Variants in NKTR observed in about 807,000 individuals in gnomAD.
NKTR encodes the protein natural killer cell triggering receptor.
In NKTR, 67 loss-of-function variants were observed where a neutral mutation model predicts 156.3. The observed-to-expected ratio is 0.43, with a 90% CI of 0.35 to 0.53. NKTR has a LOEUF of 0.53. NKTR is among the 20% of genes least tolerant of loss of function. The pLI, the probability that NKTR is intolerant of heterozygous loss-of-function variation, is 0.01. For synonymous variants in NKTR, 640 were observed against 596.6 expected (o/e 1.07, Z -1.06); for missense variants, 1,604 against 1,730.9 (o/e 0.93, Z 1.30).
intron 12 of NKTR, 118 bp from the exon 13 acceptor site, chr3:42,636,750 T>G: frequency 7.2e-7 from 1 of 1,389,042 alleles, no homozygotes; most frequent in Non-Finnish European, 9.4e-7. Context: ...GATTCACGCT[T>G]CCTGCGTGTG....
Position 42,601,051 on chromosome 3 carries a change from C to A in NKTR, c.45C>A (p.Ile15=). The change falls in exon 2 of 17, where the codon ATC becomes ATA. Residue 15 remains isoleucine, a synonymous_variant. Transcript: ENST00000232978. ...CGCAGTGCCACTTCGACATCGAGAT[C>A]AACCGGGAGCCGGGTGAGCTGGAAA... ...DRPQCHFDIE[I]NREPVGRIMF... is the part of the protein sequence containing the mutation. 1 of 1,579,720 alleles carries A rather than the reference C, an allele frequency of 6.3e-7. No homozygotes were observed. The highest frequency in any genetic ancestry group is 8.6e-7 in the Non-Finnish European group (1 of 1,165,990).
chr3:42,622,450 ATGAG>A (rs776892460), intron 6 of NKTR, among the ~76,000 whole-genome samples: 25 of 152,196 alleles, frequency 1.6e-4, no homozygotes, highest in African/African-American at 2.6e-4. Context: ...TTCTGAATGA[ATGAG>A]TATGAATGGC....
Position 42,637,568 on chromosome 3 carries a change from G to A in NKTR, c.1864G>A (p.Gly622Arg). Residue 622 changes from glycine to arginine, a missense_variant, in exon 13 of 17, where the codon GGA becomes AGA. Around this residue, in one of 6 missense-constraint regions of NKTR, gnomAD observed 1,255 missense variants for 1,243.7 expected, o/e 1.01. Transcript: ENST00000232978. The part of the protein sequence containing the change: ...DSPPPSRWKP[G>R]QKPWKPSYER... ...TCCCCCCCCTTCAAGATGGAAGCCT[G>A]GACAGAAACCTTGGAAGCCCTCTTA... 1 of 1,611,922 alleles carries A rather than the reference G, an allele frequency of 6.2e-7. No homozygotes were observed. Among genetic ancestry groups the A allele is most frequent in the Non-Finnish European group, 8.5e-7 (1 of 1,179,470 alleles).
intron 14 of NKTR, 76 bp downstream of exon 14, chr3:42,642,672 G>A (rs1709993106): frequency 9.9e-7 from 1 of 1,008,204 alleles, no homozygotes. Flanking sequence ...AGAGGGGGTA[G>A]TTGTTGAGAA....
At chr3:42,619,977 T>A in intron 5 of NKTR, 1 of 1,531,434 alleles carries the variant, frequency 6.5e-7, no homozygotes, top group African/African-American at 1.4e-5. Context: ...AACTCCTATC[T>A]TCCTGCCTAA....
chr3:42,614,753 G>T (rs1707181162), intron 2 of NKTR, among the ~76,000 whole-genome samples: 1 of 152,026 alleles, frequency 6.6e-6, no homozygotes, highest in Non-Finnish European at 1.5e-5. Flanking sequence ...ATATATACTA[G>T]CATTTTAACT....
intron 6 of NKTR, among the ~76,000 whole-genome samples, chr3:42,626,841 T>C (rs1221805606): frequency 6.6e-6 from 1 of 152,174 alleles, no homozygotes; most frequent in African/African-American, 2.4e-5. Flanking sequence ...TTTATATTTA[T>C]GTATGTATGC....
intron 5 of NKTR, 65 bp downstream of exon 5, chr3:42,619,773 C>T: frequency 1.3e-6 from 2 of 1,587,878 alleles, no homozygotes; most frequent in Non-Finnish European, 1.7e-6. Flanking sequence ...TGATCATATA[C>T]TTTTAATGAG....
chr3:42,611,617 T>A (rs1277742737), intron 2 of NKTR, among the ~76,000 whole-genome samples: 1 of 151,182 alleles, frequency 6.6e-6, no homozygotes, highest in Non-Finnish European at 1.5e-5. Context: ...TCTATAATCC[T>A]AGCTACTCGG....
At position 42,637,664 on chromosome 3, in the gene NKTR, A is replaced by C. The variant is rs756520773; in HGVS notation, c.1960A>C (p.Asn654His). The C allele has an allele frequency of 1.2e-6, 2 of 1,613,100 alleles. No individual in the cohort carries two copies. Among genetic ancestry groups the C allele is most frequent in the Non-Finnish European group, 1.7e-6 (2 of 1,179,780 alleles). The change falls in exon 13 of 17, where the codon AAT becomes CAT. Residue 654 changes from asparagine (N) to histidine (H), a missense_variant. Physicochemically the swap from Asn to His is moderately conservative, Grantham distance 68. This residue lies in a region of NKTR where 1,255 missense variants were observed against 1,243.7 expected (regional missense o/e 1.01). Transcript: ENST00000232978. ...LPIQSTYSLA[N>H]IKETGSSSSY... ...CATCCAAAGCACTTACAGTTTAGCA[A>C]ATATTAAAGAGACTGGTAGCTCATC...
chr3:42,625,171 G>A (rs988857193), intron 6 of NKTR, among the ~76,000 whole-genome samples: 5 of 152,118 alleles, frequency 3.3e-5, no homozygotes, highest in Admixed American at 2.6e-4. Context: ...TCTGAAAAAT[G>A]TCTTAAAGAA....
chr3:42,600,895 C>A, intron 1 of NKTR, 89 bp from the exon 2 acceptor site: 2 of 780,188 alleles, frequency 2.6e-6, no homozygotes, highest in Non-Finnish European at 3.7e-6. Context: ...GGCACCGTGG[C>A]GCGGACTTCG....
At chr3:42,631,084 C>T in intron 7 of NKTR, 87 bp from the exon 8 acceptor site, 1 of 1,540,450 alleles carries the variant, frequency 6.5e-7, no homozygotes, top group East Asian at 2.3e-5. Context: ...GGTCTGTGGA[C>T]ATGTCATTGA....
At chr3:42,613,553 C>T (rs920900110) in intron 2 of NKTR, among the ~76,000 whole-genome samples, 9 of 152,282 alleles carry the variant, frequency 5.9e-5, no homozygotes, top group African/African-American at 1.9e-4. Flanking sequence ...ACTACCATAT[C>T]ATCTATGTAC....
chr3:42,613,014 A>G (rs949752184), intron 2 of NKTR, among the ~76,000 whole-genome samples: 1 of 152,060 alleles, frequency 6.6e-6, no homozygotes, highest in Non-Finnish European at 1.5e-5. Flanking sequence ...TGTTTTGAGT[A>G]TTATTATTAT....
At chr3:42,603,901 A>G (rs1705892544) in intron 2 of NKTR, among the ~76,000 whole-genome samples, 1 of 151,820 alleles carries the variant, frequency 6.6e-6, no homozygotes, top group Non-Finnish European at 1.5e-5. Flanking sequence ...ACCCCTGGCT[A>G]ATTTTTTTGT....
chr3:42,605,517 A>G (rs1011520655), intron 2 of NKTR, among the ~76,000 whole-genome samples: 5 of 152,258 alleles, frequency 3.3e-5, no homozygotes, highest in African/African-American at 9.6e-5. Context: ...CAAGCCGTTT[A>G]ACAACCTCTT....
intron 7 of NKTR, 129 bp from the exon 8 acceptor site, chr3:42,631,042 T>C: frequency 6.9e-7 from 1 of 1,440,266 alleles, no homozygotes; most frequent in Non-Finnish European, 9.1e-7. Flanking sequence ...TTCTAGTTGC[T>C]TCATACAACA....
At chr3:42,642,473 T>C (rs781699837) in intron 13 of NKTR, 28 bp from the exon 14 acceptor site, 3 of 1,509,192 alleles carry the variant, frequency 2.0e-6, no homozygotes, top group East Asian at 2.3e-5. Context: ...AACATAATTA[T>C]ATATTTTTTC....
Sources: allele counts gnomAD v4.1 joint callset (sites outside exome capture counted in the v4.1 genomes callset), GRCh38; gene constraint gnomAD v4.1.1; regional missense constraint gnomAD v4.1.1; transcripts MANE v1.5; gene names NCBI Gene and HGNC (gene_info 2026-07-23, HGNC 2026-07-21).